PCDHGA10: variants seen among roughly 807,000 people sequenced by gnomAD.
PCDHGA10 encodes protocadherin gamma-A10.
A neutral mutation model predicts 59.5 loss-of-function variants in PCDHGA10; 42 were observed. The observed-to-expected ratio is 0.71, with a 90% CI of 0.55 to 0.91. The LOEUF (loss-of-function observed/expected upper bound fraction) is 0.91. Ranked by LOEUF, PCDHGA10 falls within the 40% of genes least tolerant of loss-of-function variation. The pLI is 0.00. For synonymous variants in PCDHGA10, 511 were observed against 517.2 expected (o/e 0.99, Z 0.16); for missense variants, 1,111 against 1,198.2 (o/e 0.93, Z 1.07).
chr5:141,449,073 T>C (rs889880816), intron 1 of PCDHGA10, among the ~76,000 whole-genome samples: 1 of 152,246 alleles, frequency 6.6e-6, no homozygotes, highest in African/African-American at 2.4e-5. Flanking sequence ...TGAATAGCCC[T>C]GTACCTACAT....
intron 1 of PCDHGA10, among the ~76,000 whole-genome samples, chr5:141,444,029 A>T (rs977610555): frequency 2.6e-5 from 4 of 152,164 alleles, no homozygotes; most frequent in African/African-American, 9.7e-5. Flanking sequence ...AAAGGAATTC[A>T]GTAAATCAGA....
At position 141,485,060 on chromosome 5, in the gene PCDHGA10, G is replaced by A. The variant is rs191055161; in HGVS notation, c.2437-9747G>A. 155 of 862,304 alleles carry A rather than the reference G, an allele frequency of 1.8e-4. No individual in the cohort carries two copies. The African/African-American group carries it at 2.3e-3, about 13-fold the overall frequency. 53.4% of individuals were successfully genotyped at this position (862,304 alleles called of 1,614,324 possible). ...ACCCTTGCGGCGCCGGCCGAACCGCGCCAGAGCTGGCGCGGGGAAAGGGAG... is the reference window on the plus strand; with the variant it reads ...ACCCTTGCGGCGCCGGCCGAACCGCACCAGAGCTGGCGCGGGGAAAGGGAG... On this transcript the variant is annotated intron_variant, in intron 1 of 3. Transcript: ENST00000398610. This position sits in a 1 kb window ranked among gnomAD's most constrained non-coding sequence, Gnocchi z 5.7.
At position 141,432,987 on chromosome 5, in the gene PCDHGA10, T is replaced by C. The variant is rs1259121931; in HGVS notation, c.2436+17376T>C. ...GCGCCGGCGTCGCACTTTGTGGGCGTGGACGGGGTGCAGGCTTTCCTGCAG... is the reference window on the plus strand; with the variant it reads ...GCGCCGGCGTCGCACTTTGTGGGCGCGGACGGGGTGCAGGCTTTCCTGCAG... On this transcript the variant is annotated intron_variant, in intron 1 of 3. Coordinates refer to ENST00000398610, the MANE Select transcript of PCDHGA10 (RefSeq NM_018913.3). The surrounding 1 kb of genome is among the most constrained non-coding windows in gnomAD (Gnocchi z 6.0). The C allele has an allele frequency of 3.7e-6, 6 of 1,614,174 alleles. No individual in the cohort carries two copies. Among genetic ancestry groups the C allele is most frequent in the Non-Finnish European group, 5.1e-6 (6 of 1,180,032 alleles).
intron 1 of PCDHGA10, among the ~76,000 whole-genome samples, chr5:141,461,733 C>G (rs930217307): frequency 2.0e-5 from 3 of 152,168 alleles, no homozygotes; most frequent in African/African-American, 2.4e-5. Context: ...TGCAGTGGCA[C>G]AATCCCGGCT....
chr5:141,433,823 G>T (rs555746621), intron 1 of PCDHGA10, among the ~76,000 whole-genome samples: 2 of 144,288 alleles, frequency 1.4e-5, no homozygotes, highest in Non-Finnish European at 3.0e-5. Context: ...GGCAACAAGA[G>T]TGAAACTCTA....
chr5:141,447,161 C>T (rs1432238455), intron 1 of PCDHGA10, among the ~76,000 whole-genome samples: 1 of 151,728 alleles, frequency 6.6e-6, no homozygotes, highest in East Asian at 1.9e-4. Flanking sequence ...TTTGTTTAAG[C>T]GGGGTCTTGC....
chr5:141,489,794 T>TA lies in PCDHGA10; in HGVS notation c.2437-5009dup. The TA allele has an allele frequency of 1.2e-6, 2 of 1,614,120 alleles. No homozygotes were observed. The highest frequency in any genetic ancestry group is 2.2e-5 in the South Asian group (2 of 91,076). The stretch of plus-strand genomic sequence containing the variant: ...CACTTCTCTCTGAATGTGAAGACCC[T>TA]AAAAGATGGGAAGCCATTCCCAGAG... On this transcript the variant is annotated intron_variant, in intron 1 of 3. Transcript: ENST00000398610. This position sits in a 1 kb window ranked among gnomAD's most constrained non-coding sequence, Gnocchi z 4.5.
chr5:141,432,374 C>A lies in PCDHGA10; in HGVS notation c.2436+16763C>A. 2.5e-6 allele frequency: 4 copies of A among 1,614,240 alleles called. No individual in the cohort carries two copies. Among genetic ancestry groups the A allele is most frequent in the Non-Finnish European group, 3.4e-6 (4 of 1,180,042 alleles). On this transcript the variant is annotated intron_variant, in intron 1 of 3. Coordinates refer to ENST00000398610, the MANE Select transcript of PCDHGA10 (RefSeq NM_018913.3). This position sits in a 1 kb window ranked among gnomAD's most constrained non-coding sequence, Gnocchi z 6.0. ...GAAAGTGATGGCGCGGGACAACGGG[C>A]ACCCGCCCCTCAGCAGCAACGTGTC...
At chr5:141,430,425 A>G (rs1298131518) in intron 1 of PCDHGA10, among the ~76,000 whole-genome samples, 3 of 152,076 alleles carry the variant, frequency 2.0e-5, no homozygotes, top group Non-Finnish European at 4.4e-5. Context: ...TAAAGCGAAT[A>G]CGGTAGATTT....
chr5:141,423,437 C>CACGT (rs766166209), intron 1 of PCDHGA10: 1 of 1,613,952 alleles, frequency 6.2e-7, no homozygotes, highest in Non-Finnish European at 8.5e-7. Context: ...GCAGGTATGC[C>CACGT]CACGTCACAT....
intron 1 of PCDHGA10, chr5:141,421,708 C>T (rs2096594348): frequency 1.9e-6 from 3 of 1,613,780 alleles, no homozygotes; most frequent in South Asian, 2.2e-5. Flanking sequence ...TGCTAGGGAT[C>T]CAGATGTGGG....
chr5:141,489,061 C>A lies in PCDHGA10; in HGVS notation c.2437-5746C>A. On this transcript the variant is annotated intron_variant, in intron 1 of 3. Coordinates refer to ENST00000398610, the MANE Select transcript of PCDHGA10 (RefSeq NM_018913.3). This position sits in a 1 kb window ranked among gnomAD's most constrained non-coding sequence, Gnocchi z 4.5. ...AGCTCCACTCAAATTCAGCTCCCCT[C>A]CCCCCTGCCCACCCCCGCCACTCGG... 5 of 347,080 alleles carry A rather than the reference C, an allele frequency of 1.4e-5. No individual in the cohort carries two copies. The highest frequency in any genetic ancestry group is 2.2e-5 in the African/African-American group (1 of 46,422). 21.5% of individuals were successfully genotyped at this position (347,080 alleles called of 1,614,324 possible). A position where few individuals can be genotyped will look rare whatever the true frequency, so the allele number is the denominator to read the frequency against.
intron 1 of PCDHGA10, among the ~76,000 whole-genome samples, chr5:141,449,848 T>C (rs7713034): frequency 0.29 from 44,283 of 151,474 alleles, 7,514 homozygotes; most frequent in African/African-American, 0.48. Flanking sequence ...AATTAAATTT[T>C]AATAATAAAA....
chr5:141,436,240 G>T (rs192988618), intron 1 of PCDHGA10, among the ~76,000 whole-genome samples: 1 of 152,082 alleles, frequency 6.6e-6, no homozygotes. Context: ...AGCTAACATG[G>T]TCTAATTATT....
At chr5:141,421,825 AG>A in intron 1 of PCDHGA10, 1 of 1,613,802 alleles carries the variant, frequency 6.2e-7, no homozygotes. Flanking sequence ...ACTGGAGGGA[AG>A]CCTGGACCGA....
In PCDHGA10 at chr5:141,492,378, C is replaced by T. The variant is rs144479033; in HGVS notation, c.2437-2429C>T. Among the ~76,000 whole-genome samples the T allele has an allele frequency of 1.7e-3, 262 of 152,360 alleles. 2 individuals are homozygous for T. The highest frequency in any genetic ancestry group is 3.0e-3 in the Non-Finnish European group (207 of 68,026). On this transcript the variant is annotated intron_variant, in intron 1 of 3. Coordinates refer to ENST00000398610, the MANE Select transcript of PCDHGA10 (RefSeq NM_018913.3). ...CTCGCTCGCGGCCAGATTCACAGGCCTGTTCCGGTCCACTCGCAGCTCCCC... is the reference window on the plus strand; with the variant it reads ...CTCGCTCGCGGCCAGATTCACAGGCTTGTTCCGGTCCACTCGCAGCTCCCC...
intron 1 of PCDHGA10, chr5:141,478,491 G>A: frequency 6.2e-7 from 1 of 1,613,152 alleles, no homozygotes; most frequent in Non-Finnish European, 8.5e-7. Flanking sequence ...CTGCGGAGCT[G>A]TGATCCGGTG....
At chr5:141,494,183 G>A (rs971032835) in intron 1 of PCDHGA10, among the ~76,000 whole-genome samples, 2 of 152,146 alleles carry the variant, frequency 1.3e-5, no homozygotes, top group Non-Finnish European at 2.9e-5. Context: ...GAAGTGTCCC[G>A]GGACTTGGAT....
At position 141,432,880 on chromosome 5, in the gene PCDHGA10, C is replaced by A. The variant is rs865848752; in HGVS notation, c.2436+17269C>A. 3 of 1,614,194 alleles carry A rather than the reference C, an allele frequency of 1.9e-6. No homozygotes were observed. The highest frequency in any genetic ancestry group is 2.5e-6 in the Non-Finnish European group (3 of 1,180,008). ...CGGTCTCCTGCGTCTTCCTGGCCTT[C>A]GTCATCTTGCTGCTGGCGCTCAGGC... On this transcript the variant is annotated intron_variant, in intron 1 of 3. Coordinates refer to ENST00000398610, the MANE Select transcript of PCDHGA10 (RefSeq NM_018913.3). The surrounding 1 kb of genome is among the most constrained non-coding windows in gnomAD (Gnocchi z 6.0).
Sources: allele counts gnomAD v4.1 joint callset (sites outside exome capture counted in the v4.1 genomes callset), GRCh38; gene constraint gnomAD v4.1.1; non-coding constraint Gnocchi (gnomAD v3.1); transcripts MANE v1.5; gene names NCBI Gene and HGNC (gene_info 2026-07-23, HGNC 2026-07-21).